OR6Y1: variants seen among roughly 807,000 people sequenced by gnomAD.
The protein encoded by OR6Y1 is olfactory receptor 6Y1.
In OR6Y1, 1 loss-of-function variant was observed where a neutral mutation model predicts 0.4. That is an observed-to-expected ratio of 2.74 (90% confidence interval 0.97 to 13.02). The LOEUF (loss-of-function observed/expected upper bound fraction) is 13.02, where lower values mean the gene tolerates loss of function less well. Ranked by LOEUF, OR6Y1 falls within the 30% of genes most tolerant of loss-of-function variation. The probability of loss-of-function intolerance (pLI) is 0.12; values close to 1 mark genes in which losing one functional copy is unlikely to be tolerated. For missense variants in OR6Y1, 480 were observed against 399.8 expected (o/e 1.20, Z -1.71); for synonymous variants, 173 against 141.1 (o/e 1.23, Z -1.60).
At position 158,551,798 on chromosome 1, in the gene OR6Y1, C is replaced by A. The variant is rs79261462; in HGVS notation, c.-1432-2261G>T. On this transcript the variant is annotated intron_variant, in intron 1 of 1. Transcript: ENST00000641622. Reference sequence around the variant, plus strand: ...CATTGCTAAACAAGTAGAATGAGATCCTTCAGCTCTAGAAACACAGGATTG... The same window carrying A: ...CATTGCTAAACAAGTAGAATGAGATACTTCAGCTCTAGAAACACAGGATTG... Among the ~76,000 whole-genome samples, 979 of 150,842 alleles carry A rather than the reference C, an allele frequency of 6.5e-3. 32 individuals are homozygous for A. Among genetic ancestry groups the A allele is most frequent in the African/African-American group, 0.022 (901 of 40,708 alleles).
intron 1 of OR6Y1, among the ~76,000 whole-genome samples, chr1:158,552,922 C>T (rs10908681): frequency 0.51 from 78,103 of 151,922 alleles, 20,514 homozygotes; most frequent in African/African-American, 0.63. Flanking sequence ...TCCTTTTTCC[C>T]AGGCCTTTTC....
In OR6Y1 at chr1:158,548,049, A is replaced by G. The variant is rs1391342358; in HGVS notation, c.57T>C (p.Leu19=). The G allele has an allele frequency of 6.2e-7, 1 of 1,613,588 alleles. No homozygotes were observed. Among genetic ancestry groups the G allele is most frequent in the East Asian group, 2.2e-5 (1 of 44,872 alleles). ...AGGCTGGTCGTGTTGGAAACCCCAG[A>G]AGAATGAAACGTGTTGTCACTGTAT... ...DNHTVTTRFI[L]LGFPTRPAFQ... is the part of the protein sequence containing the mutation. Residue 19 remains leucine, a synonymous_variant, in exon 2 of 2, where the codon CTT becomes CTC. Transcript: ENST00000641622.
In OR6Y1 at chr1:158,547,168, C is replaced by T; in HGVS notation, c.938G>A (p.Arg313Lys). ...CCCATTTCCCTGGGGCCCACTTCCT[C>T]TGCAATGTATGGTCTTTCTGAGGGC... is the stretch of plus-strand genomic sequence containing the variant. ...KAALRKTIHC[R>K]GSGPQGNGAF... Residue 313 changes from arginine to lysine, a missense_variant, in exon 2 of 2, where the codon AGA (arginine) becomes AAA (lysine). Physicochemically the swap from Arg to Lys is conservative, Grantham distance 26. Transcript: ENST00000641622. 6.2e-7 allele frequency: 1 copy of T among 1,613,462 alleles called. No individual in the cohort carries two copies. Among genetic ancestry groups the T allele is most frequent in the Non-Finnish European group, 8.5e-7 (1 of 1,179,962 alleles).
At position 158,550,582 on chromosome 1, in the gene OR6Y1, A is replaced by T. The variant is rs114261718; in HGVS notation, c.-1432-1045T>A. Among the ~76,000 whole-genome samples, 1,459 of 151,706 alleles carry T rather than the reference A, an allele frequency of 9.6e-3. 79 individuals are homozygous for T. Among genetic ancestry groups the T allele is most frequent in the African/African-American group, 0.034 (1,389 of 41,072 alleles). On this transcript the variant is annotated intron_variant, in intron 1 of 1. Coordinates refer to ENST00000641622, the MANE Select transcript of OR6Y1 (RefSeq NM_001005189.2). ...GTTTCAAAATTATTCACACATATGT[A>T]TATATAGAATTATATTTTGATAAGT... is the stretch of plus-strand genomic sequence containing the variant.
At position 158,546,973 on chromosome 1, in the gene OR6Y1, A is replaced by G. The variant is rs775898753; in HGVS notation, c.*155T>C. Reference sequence around the variant, plus strand: ...TTCTTGAGAACATGTTTCTCCAGTCATGATTGTGTATACACACACACACAC... The same window carrying G: ...TTCTTGAGAACATGTTTCTCCAGTCGTGATTGTGTATACACACACACACAC... On this transcript the variant is annotated 3_prime_UTR_variant, in exon 2 of 2. Coordinates refer to ENST00000641622, the MANE Select transcript of OR6Y1 (RefSeq NM_001005189.2). 1.1e-4 allele frequency: 72 copies of G among 665,160 alleles called. No homozygotes were observed. The highest frequency in any genetic ancestry group is 1.6e-4 in the Non-Finnish European group (66 of 407,258). The allele number at this position is 665,160 out of a possible 1,614,324, so 41.2% of individuals were successfully genotyped here.
chr1:158,547,956 G>C lies in OR6Y1; in HGVS notation c.150C>G (p.Ile50Met). Residue 50 changes from isoleucine to methionine, a missense_variant, in exon 2 of 2, where the codon ATC (isoleucine) becomes ATG (methionine). Coordinates refer to ENST00000641622, the MANE Select transcript of OR6Y1 (RefSeq NM_001005189.2). ...GCCCATCACTGTGGATAGCTAAGATGATAAGAAGATTCTCCAGCAGTGTCA... is the reference window on the plus strand; with the variant it reads ...GCCCATCACTGTGGATAGCTAAGATCATAAGAAGATTCTCCAGCAGTGTCA... ...YLLTLLENLLIILAIHSDGQL... is the reference protein window; with the variant it reads ...YLLTLLENLLMILAIHSDGQL... 6.2e-7 allele frequency: 1 copy of C among 1,613,518 alleles called. No individual in the cohort carries two copies. The highest frequency in any genetic ancestry group is 2.2e-5 in the East Asian group (1 of 44,870).
intron 1 of OR6Y1, among the ~76,000 whole-genome samples, chr1:158,552,622 G>A (rs1018642704): frequency 1.2e-4 from 18 of 152,106 alleles, no homozygotes; most frequent in African/African-American, 3.4e-4. Flanking sequence ...TCCTGGTAAT[G>A]GAGGCATTTT....
In OR6Y1 at chr1:158,546,228, T is replaced by G. The variant is rs978783420; in HGVS notation, c.*900A>C. On this transcript the variant is annotated 3_prime_UTR_variant, in exon 2 of 2. Coordinates refer to ENST00000641622, the MANE Select transcript of OR6Y1 (RefSeq NM_001005189.2). Reference sequence around the variant, plus strand: ...GATTACCACTATAAAAACCCTACTTTCAAATATGGTCACATTCTGAGAGAC... The same window carrying G: ...GATTACCACTATAAAAACCCTACTTGCAAATATGGTCACATTCTGAGAGAC... 6.6e-6 allele frequency: 1 copy of G among 152,176 alleles called. No homozygotes were observed. Among genetic ancestry groups the G allele is most frequent in the Non-Finnish European group, 1.5e-5 (1 of 68,032 alleles). 9.4% of individuals were successfully genotyped at this position (152,176 alleles called of 1,614,324 possible).
chr1:158,548,076 A>G lies in OR6Y1; in HGVS notation c.30T>C (p.Asn10=), dbSNP rs143896729. Residue 10 remains asparagine (N), a synonymous_variant, in exon 2 of 2, where the codon AAT becomes AAC. Coordinates refer to ENST00000641622, the MANE Select transcript of OR6Y1 (RefSeq NM_001005189.2). MTTIILEVD[N]HTVTTRFILL... ...GAATGAAACGTGTTGTCACTGTATGATTATCTACTTCCAGAATTATGGTGG... is the reference window on the plus strand; with the variant it reads ...GAATGAAACGTGTTGTCACTGTATGGTTATCTACTTCCAGAATTATGGTGG... 7.2e-4 allele frequency: 1,169 copies of G among 1,613,162 alleles called. 34 individuals are homozygous for G. The African/African-American group carries it at 0.013, about 18-fold the overall frequency.
chr1:158,552,782 G>GA (rs900201692), intron 1 of OR6Y1, among the ~76,000 whole-genome samples: 3 of 151,724 alleles, frequency 2.0e-5, no homozygotes, highest in African/African-American at 4.8e-5. Context: ...AGGGAGGTGA[G>GA]AAAAAAAAGT....
In OR6Y1 at chr1:158,546,984, T is replaced by TAC. The variant is rs146696321; in HGVS notation, c.*142_*143dup. The TAC allele has an allele frequency of 0.013, 9,421 of 729,058 alleles. 78 individuals are homozygous for TAC. The highest frequency in any genetic ancestry group is 0.047 in the Middle Eastern group (115 of 2,450). 45.2% of individuals were successfully genotyped at this position (729,058 alleles called of 1,614,324 possible). A position where few individuals can be genotyped will look rare whatever the true frequency, so the allele number is the denominator to read the frequency against. ...ATGTTTCTCCAGTCATGATTGTGTA[T>TAC]ACACACACACACACATGCACACACA... On this transcript the variant is annotated 3_prime_UTR_variant, in exon 2 of 2. Coordinates refer to ENST00000641622, the MANE Select transcript of OR6Y1 (RefSeq NM_001005189.2).
At position 158,547,745 on chromosome 1, in the gene OR6Y1, CAAG is replaced by C. The variant is rs1647588825; in HGVS notation, c.358_360del (p.Leu120del). 6.2e-7 allele frequency: 1 copy of C among 1,613,384 alleles called. No homozygotes were observed. The highest frequency in any genetic ancestry group is 1.1e-5 in the South Asian group (1 of 91,074). On this transcript the variant is annotated inframe_deletion, in exon 2 of 2. Transcript: ENST00000641622. Reference sequence around the variant, plus strand: ...ACATAGCGGTCAAAGGCCATGATAGCAAGAAGGATGTACTCAGTGCAGACAAAG... The same window carrying C: ...ACATAGCGGTCAAAGGCCATGATAGCAAGGATGTACTCAGTGCAGACAAAG...
intron 1 of OR6Y1, among the ~76,000 whole-genome samples, chr1:158,553,875 T>G (rs908361804): frequency 3.3e-5 from 5 of 152,142 alleles, no homozygotes; most frequent in Admixed American, 2.0e-4. Flanking sequence ...TTTGGGAAAT[T>G]TTCATTCTCA....
At chr1:158,551,046 C>G (rs1647690981) in intron 1 of OR6Y1, among the ~76,000 whole-genome samples, 1 of 151,568 alleles carries the variant, frequency 6.6e-6, no homozygotes, top group Non-Finnish European at 1.5e-5. Context: ...TGAAATTAAA[C>G]AGCAAATTTA....
Position 158,547,256 on chromosome 1 carries a change from T to C in OR6Y1, c.850A>G (p.Thr284Ala). ...NSNKVVSVLYTVIVPLLNPII... is the reference protein window; with the variant it reads ...NSNKVVSVLYAVIVPLLNPII... ...GGGTTGAGGAGTGGAACAATGACAG[T>C]GTAGAGAACAGATACCACTTTGTTG... Residue 284 changes from threonine (T) to alanine (A), a missense_variant, in exon 2 of 2, where the codon ACT (threonine) becomes GCT (alanine). Coordinates refer to ENST00000641622, the MANE Select transcript of OR6Y1 (RefSeq NM_001005189.2). The C allele has an allele frequency of 1.2e-6, 2 of 1,613,678 alleles. No individual in the cohort carries two copies. Among genetic ancestry groups the C allele is most frequent in the East Asian group, 2.2e-5 (1 of 44,876 alleles).
chr1:158,552,770 G>A (rs541329592), intron 1 of OR6Y1, among the ~76,000 whole-genome samples: 1 of 152,226 alleles, frequency 6.6e-6, no homozygotes, highest in East Asian at 1.9e-4. Context: ...ACTAATTCCT[G>A]CAGGGAGGTG....
rs146992928 is a variant in OR6Y1, at chr1:158,547,436, C to T, written c.670G>A (p.Ala224Thr). 8.7e-4 allele frequency: 1,402 copies of T among 1,613,396 alleles called. 5 individuals are homozygous for T. Among genetic ancestry groups the T allele is most frequent in the Middle Eastern group, 3.8e-3 (23 of 6,058 alleles). The change falls in exon 2 of 2, where the codon GCT becomes ACT. Residue 224 changes from alanine to threonine, a missense_variant. Transcript: ENST00000641622. ...IPLCVVVASY[A>T]AILATILRIP... ...CTGAGGATGGTGGCAAGGATAGCAG[C>T]GTAGGATGCCACCACAACACAAAGA...
At position 158,545,272 on chromosome 1, in the gene OR6Y1, C is replaced by G. The variant is rs1338230633; in HGVS notation, c.*1856G>C. 7.2e-6 allele frequency: 1 copy of G among 138,160 alleles called. No individual in the cohort carries two copies. The allele number at this position is 138,160 out of a possible 1,614,324, so 8.6% of individuals were successfully genotyped here. On this transcript the variant is annotated 3_prime_UTR_variant, in exon 2 of 2. Coordinates refer to ENST00000641622, the MANE Select transcript of OR6Y1 (RefSeq NM_001005189.2). ...TAACAAAATTAGACGTTACTTCACA[C>G]CAGTTAGAATGGCTATTATTATGGA...
Position 158,547,206 on chromosome 1 carries a change from A to C in OR6Y1, c.900T>G (p.His300Gln). The change falls in exon 2 of 2, where the codon CAT becomes CAG. Residue 300 changes from histidine (H) to glutamine (Q), a missense_variant. His to Gln is a conservative substitution (Grantham distance 24). Coordinates refer to ENST00000641622, the MANE Select transcript of OR6Y1 (RefSeq NM_001005189.2). ...LNPIIYCLRN[H>Q]EVKAALRKTI... is the part of the protein sequence containing the mutation. ...TCTTTCTGAGGGCTGCCTTTACTTC[A>C]TGGTTCCTCAGACAGTAAATGATGG... 1 of 1,613,510 alleles carries C rather than the reference A, an allele frequency of 6.2e-7. No individual in the cohort carries two copies. Among genetic ancestry groups the C allele is most frequent in the East Asian group, 2.2e-5 (1 of 44,878 alleles).
Sources: allele counts gnomAD v4.1 joint callset (sites outside exome capture counted in the v4.1 genomes callset), GRCh38; gene constraint gnomAD v4.1.1; transcripts MANE v1.5; gene names NCBI Gene and HGNC (gene_info 2026-07-23, HGNC 2026-07-21).